NHEJ1: variants seen among roughly 807,000 people sequenced by gnomAD.
The protein encoded by NHEJ1 is non-homologous end-joining factor 1.
Under a neutral mutation model 39.4 loss-of-function variants are expected in NHEJ1, and 22 were observed. The observed-to-expected ratio is 0.56, with a 90% CI of 0.40 to 0.80. The LOEUF (loss-of-function observed/expected upper bound fraction) is 0.80, where lower values mean the gene tolerates loss of function less well. Ranked by LOEUF, NHEJ1 falls within the 30% of genes least tolerant of loss-of-function variation. The probability of loss-of-function intolerance (pLI) is 0.00; values close to 1 mark genes in which losing one functional copy is unlikely to be tolerated. For missense variants in NHEJ1, 329 were observed against 357.1 expected (o/e 0.92, Z 0.63); for synonymous variants, 154 against 135.6 (o/e 1.14, Z -0.94).
chr2:219,103,766 A>T (rs1362422075), intron 5 of NHEJ1, among the ~76,000 whole-genome samples: 1 of 152,200 alleles, frequency 6.6e-6, no homozygotes, highest in African/African-American at 2.4e-5. Flanking sequence ...AATAAACTGG[A>T]GCCAGGTAGG....
chr2:219,157,519 G>A lies in NHEJ1; in HGVS notation c.343C>T (p.Leu115Phe). 6.2e-7 allele frequency: 1 copy of A among 1,614,158 alleles called. No homozygotes were observed. The highest frequency in any genetic ancestry group is 8.5e-7 in the Non-Finnish European group (1 of 1,180,038). ...ILRVRSELSG[L>F]PFYWNFHCML... ...CAGTGGAAATTCCAATAGAAGGGGAGGCCAGAGAGCTCACTTCGCACCCGT... is the reference window on the plus strand; with the variant it reads ...CAGTGGAAATTCCAATAGAAGGGGAAGCCAGAGAGCTCACTTCGCACCCGT... Residue 115 changes from leucine to phenylalanine, a missense_variant, in exon 3 of 8, where the codon CTC (leucine) becomes TTC (phenylalanine). Leu to Phe is a conservative substitution (Grantham distance 22). Transcript: ENST00000356853.
intron 5 of NHEJ1, among the ~76,000 whole-genome samples, chr2:219,104,787 A>ACC (rs1949299659): frequency 6.6e-6 from 1 of 152,242 alleles, no homozygotes; most frequent in Non-Finnish European, 1.5e-5. Context: ...TGATGCTAAA[A>ACC]GAAACCCAGA....
At chr2:219,158,013 A>T (rs1310956615) in intron 2 of NHEJ1, among the ~76,000 whole-genome samples, 173 bp downstream of exon 2, 20 of 150,358 alleles carry the variant, frequency 1.3e-4, no homozygotes, top group Admixed American at 2.6e-4. Flanking sequence ...ACACACACAC[A>T]CACACACACA....
At chr2:219,159,433 T>C (rs1949889173) in intron 1 of NHEJ1, 1 of 151,352 alleles carries the variant, frequency 6.6e-6, no homozygotes, top group South Asian at 2.1e-4. Context: ...ATGTAAATAA[T>C]GAAATTCCTT....
At chr2:219,143,826 A>G (rs1949711911) in intron 5 of NHEJ1, among the ~76,000 whole-genome samples, 1 of 152,208 alleles carries the variant, frequency 6.6e-6, no homozygotes, top group Non-Finnish European at 1.5e-5. Context: ...ATGAGCCTCT[A>G]ATTTTATAAA....
intron 5 of NHEJ1, among the ~76,000 whole-genome samples, chr2:219,101,106 C>T (rs895969951): frequency 1.3e-5 from 2 of 152,038 alleles, no homozygotes; most frequent in African/African-American, 4.8e-5. Flanking sequence ...GCTATCTTTT[C>T]AAGGCTATTT....
intron 5 of NHEJ1, among the ~76,000 whole-genome samples, chr2:219,087,055 G>A (rs1290249217): frequency 1.3e-5 from 2 of 152,208 alleles, no homozygotes; most frequent in African/African-American, 2.4e-5. Context: ...GAAAGTGTAG[G>A]AGCAACTCTC....
At chr2:219,139,370 G>A (rs140025124) in intron 5 of NHEJ1, among the ~76,000 whole-genome samples, 331 of 152,158 alleles carry the variant, frequency 2.2e-3, no homozygotes, top group African/African-American at 7.6e-3. Context: ...TTACAGGCAT[G>A]AGCCACCCCA....
intron 5 of NHEJ1, among the ~76,000 whole-genome samples, chr2:219,095,615 A>G (rs1299140825): frequency 6.6e-6 from 1 of 152,154 alleles, no homozygotes; most frequent in African/African-American, 2.4e-5. Context: ...CTCACAGCCA[A>G]TGGGGAGAGC....
rs359960 is a variant in NHEJ1 at position 219,075,762 on chromosome 2, C to T, written c.*619G>A. 150,365 of 152,484 alleles carry T rather than the reference C, an allele frequency of 0.99. 74,148 individuals carry two copies. The highest frequency in any genetic ancestry group is 1 in the East Asian group (5,189 of 5,194). The allele number at this position is 152,484 out of a possible 1,614,324, so 9.4% of individuals were successfully genotyped here. On this transcript the variant is annotated 3_prime_UTR_variant, in exon 8 of 8. Transcript: ENST00000356853. The stretch of plus-strand genomic sequence containing the variant: ...GTTTGGCAAAGGAAAGCAGCAATCA[C>T]CTATCTGTCTTGTGCCCACCATCAA...
chr2:219,135,917 A>G (rs1004147662), intron 5 of NHEJ1, among the ~76,000 whole-genome samples: 1 of 152,216 alleles, frequency 6.6e-6, no homozygotes, highest in Non-Finnish European at 1.5e-5. Context: ...CAGAGTTGGT[A>G]ACTTCCTTTG....
At chr2:219,142,627 T>A (rs1482761091) in intron 5 of NHEJ1, among the ~76,000 whole-genome samples, 1 of 152,212 alleles carries the variant, frequency 6.6e-6, no homozygotes, top group African/African-American at 2.4e-5. Flanking sequence ...AGGAACTCCC[T>A]CCAGTGGACT....
At position 219,141,912 on chromosome 2, in the gene NHEJ1, T is replaced by C. The variant is rs1047283384; in HGVS notation, c.588+4768A>G. 2.6e-5 allele frequency among the ~76,000 whole-genome samples: 4 copies of C among 152,080 alleles called. No individual in the cohort carries two copies. The South Asian group carries it at 8.3e-4, about 31-fold the overall frequency. ...AGAAGTGTGAACAAGCTTAACAAGA[T>C]GGCAATTTTCAAGTTAAAGCATTGC... On this transcript the variant is annotated intron_variant, in intron 5 of 7. Coordinates refer to ENST00000356853, the MANE Select transcript of NHEJ1 (RefSeq NM_024782.3).
intron 3 of NHEJ1, among the ~76,000 whole-genome samples, chr2:219,155,786 G>A (rs926071559): frequency 4.0e-5 from 6 of 151,218 alleles, no homozygotes; most frequent in Admixed American, 3.3e-4. Context: ...TTAGCCGGGC[G>A]TGGTGGTGTG....
intron 3 of NHEJ1, among the ~76,000 whole-genome samples, chr2:219,155,942 T>A (rs1209136013): frequency 1.0e-4 from 14 of 139,472 alleles, no homozygotes; most frequent in East Asian, 2.2e-4. Context: ...CAAAAAAAAA[T>A]AAAATTAAAA....
chr2:219,146,180 T>C (rs1949737386), intron 5 of NHEJ1, among the ~76,000 whole-genome samples: 1 of 152,168 alleles, frequency 6.6e-6, no homozygotes, highest in Non-Finnish European at 1.5e-5. Context: ...TCCCCATTCA[T>C]TCCTTTGCCA....
At chr2:219,080,666 CTT>C (rs57503864) in intron 5 of NHEJ1, among the ~76,000 whole-genome samples, 28,266 of 54,698 alleles carry the variant, frequency 0.52, 5,662 homozygotes, top group African/African-American at 0.57. Flanking sequence ...TATATATAAG[CTT>C]TTATATATGC....
intron 3 of NHEJ1, among the ~76,000 whole-genome samples, chr2:219,153,818 G>C (rs1408631649): frequency 6.6e-6 from 1 of 152,132 alleles, no homozygotes; most frequent in Non-Finnish European, 1.5e-5. Context: ...TGTTATGCTG[G>C]AGAAGTATGA....
chr2:219,072,990 A>T lies in NHEJ1; in HGVS notation c.*3391T>A, dbSNP rs1400257211. 6.6e-6 allele frequency among the ~76,000 whole-genome samples: 1 copy of T among 152,106 alleles called. No individual in the cohort carries two copies. The highest frequency in any genetic ancestry group is 1.9e-4 in the East Asian group (1 of 5,196). ...TCCCAACAAACGTGGGCTAAGGAGG[A>T]GGTAAGGGCTTGGGAAAATGGGAGG... On this transcript the variant is annotated 3_prime_UTR_variant, in exon 8 of 8. Coordinates refer to ENST00000356853, the MANE Select transcript of NHEJ1 (RefSeq NM_024782.3).
Sources: gnomAD v4.1 joint callset for allele counts (sites outside exome capture counted in the v4.1 genomes callset) on GRCh38, gnomAD v4.1.1 for gene constraint, MANE v1.5 for transcripts, NCBI Gene and HGNC (gene_info 2026-07-23, HGNC 2026-07-21) for gene names.